Variants in NEXMIF observed in about 807,000 individuals in gnomAD.
The protein encoded by NEXMIF is neurite extension and migration factor, also known as XLMR protein related to neurite extension.
Under a neutral mutation model 62.1 loss-of-function variants are expected in NEXMIF, and 8 were observed. The observed-to-expected ratio is 0.13, with a 90% CI of 0.08 to 0.23. The LOEUF (loss-of-function observed/expected upper bound fraction) is 0.23. Among genes scored for constraint, NEXMIF ranks in the 10% least tolerant of loss-of-function variants. The probability of loss-of-function intolerance (pLI) is 1.00; values close to 1 mark genes in which losing one functional copy is unlikely to be tolerated. For synonymous variants in NEXMIF, 404 were observed against 416.6 expected, an observed-to-expected ratio of 0.97 and a Z score of 0.37; for missense variants, 976 against 1,113.3, an observed-to-expected ratio of 0.88 and a Z score of 1.75.
chrX:74,917,492 G>C (rs1236978931), intron 1 of NEXMIF, among the ~76,000 whole-genome samples: 1 of 112,194 alleles, frequency 8.9e-6, no homozygotes, highest in African/African-American at 3.2e-5. Flanking sequence ...CCAACTGCAA[G>C]GCGCAGATGT....
chrX:74,785,503 T>A (rs1434917489), intron 1 of NEXMIF, among the ~76,000 whole-genome samples: 1 of 111,760 alleles, frequency 8.9e-6, no homozygotes, highest in Non-Finnish European at 1.9e-5. Context: ...AAATTTTTTT[T>A]CAAGTTATCT....
At chrX:74,811,824 C>G in intron 1 of NEXMIF, among the ~76,000 whole-genome samples, 1 of 112,839 alleles carries the variant, frequency 8.9e-6, no homozygotes, top group Non-Finnish European at 1.9e-5. Flanking sequence ...TCCCTTGTTC[C>G]TCACAGTGTC....
chrX:74,893,329 C>T (rs2080723534), intron 1 of NEXMIF, among the ~76,000 whole-genome samples: 1 of 112,180 alleles, frequency 8.9e-6, no homozygotes, highest in Non-Finnish European at 1.9e-5. Context: ...TACTGTCTAT[C>T]TTTGCCACCT....
At chrX:74,879,590 G>A (rs181133340) in intron 1 of NEXMIF, among the ~76,000 whole-genome samples, 5 of 112,025 alleles carry the variant, frequency 4.5e-5, no homozygotes, top group African/African-American at 1.3e-4. Context: ...TTTCAGGAAA[G>A]GTGTACAAAG....
chrX:74,746,289 C>T (rs1057036434), intron 1 of NEXMIF, among the ~76,000 whole-genome samples: 1 of 111,941 alleles, frequency 8.9e-6, no homozygotes, highest in Non-Finnish European at 1.9e-5. Context: ...TGGACTTTGA[C>T]AAGTATTCCT....
At position 74,735,125 on chromosome X, in the gene NEXMIF, A is replaced by G. The variant is rs940868432; in HGVS notation, c.*4280T>C. On this transcript the variant is annotated 3_prime_UTR_variant, in exon 4 of 4. Transcript: ENST00000055682. The stretch of plus-strand genomic sequence containing the variant: ...CCTCACATTAGTTTTATTTTATAAA[A>G]AGAACATATTTCTGTAGTGATGGGC... 7 of 112,560 alleles carry G rather than the reference A, an allele frequency of 6.2e-5. No individual in the cohort carries two copies. The highest frequency in any genetic ancestry group is 1.1e-4 in the Non-Finnish European group (6 of 53,276). The allele number at this position is 112,560 out of a possible 1,213,427, so 9.3% of individuals were successfully genotyped here. A position where few individuals can be genotyped will look rare whatever the true frequency, so the allele number is the denominator to read the frequency against.
At chrX:74,870,667 C>G (rs190237459) in intron 1 of NEXMIF, among the ~76,000 whole-genome samples, 1 of 111,966 alleles carries the variant, frequency 8.9e-6, no homozygotes, top group Admixed American at 9.5e-5. Context: ...TAGATCTGAA[C>G]AGACATTTCT....
At chrX:74,843,540 G>A (rs2080481063) in intron 1 of NEXMIF, among the ~76,000 whole-genome samples, 2 of 109,280 alleles carry the variant, frequency 1.8e-5, no homozygotes, top group Non-Finnish European at 3.8e-5. Flanking sequence ...TCAGCCTCCC[G>A]AGTAGCTGGG....
intron 1 of NEXMIF, among the ~76,000 whole-genome samples, chrX:74,811,626 C>T (rs904530993): frequency 1.8e-5 from 2 of 112,714 alleles, no homozygotes; most frequent in African/African-American, 6.4e-5. Flanking sequence ...AGGAACGAGA[C>T]TGAGTTTACC....
rs113561432 is a variant in NEXMIF at position 74,826,050 on chromosome X, G to T, written c.-47-80353C>A. Among the ~76,000 whole-genome samples, 596 of 112,515 alleles carry T rather than the reference G, an allele frequency of 5.3e-3. 3 individuals are homozygous for T. The highest frequency in any genetic ancestry group is 0.019 in the African/African-American group (576 of 31,010). On this transcript the variant is annotated intron_variant, in intron 1 of 3. Transcript: ENST00000055682. ...CATATACCCAGTAATGGGATTGCTG[G>T]CTGGAATGGTAGTTCTGTTTTTAGC... is the stretch of plus-strand genomic sequence containing the variant.
intron 1 of NEXMIF, among the ~76,000 whole-genome samples, chrX:74,748,369 T>C (rs2080132195): frequency 8.9e-6 from 1 of 111,885 alleles, no homozygotes; most frequent in Non-Finnish European, 1.9e-5. Context: ...CAACTAAAGG[T>C]ATATATTTTT....
chrX:74,872,169 G>A (rs966245723), intron 1 of NEXMIF, among the ~76,000 whole-genome samples: 7 of 110,865 alleles, frequency 6.3e-5, no homozygotes, highest in Admixed American at 1.9e-4. Context: ...AGCTTCAGCC[G>A]GTCCCCCCGT....
At chrX:74,844,209 C>A (rs1205984906) in intron 1 of NEXMIF, among the ~76,000 whole-genome samples, 1 of 111,288 alleles carries the variant, frequency 9.0e-6, no homozygotes, top group Non-Finnish European at 1.9e-5. Context: ...CTGCCTTTAA[C>A]ATTCTTTCTT....
chrX:74,808,070 T>C (rs959030558), intron 1 of NEXMIF, among the ~76,000 whole-genome samples: 2 of 111,777 alleles, frequency 1.8e-5, no homozygotes, highest in African/African-American at 6.5e-5. Flanking sequence ...TTACATTAAT[T>C]GTATTTCAAA....
At chrX:74,799,655 G>T (rs1006634251) in intron 1 of NEXMIF, among the ~76,000 whole-genome samples, 3 of 110,950 alleles carry the variant, frequency 2.7e-5, no homozygotes, top group Non-Finnish European at 5.7e-5. Context: ...TTTGGAGACA[G>T]GGTCTTGCTC....
chrX:74,786,843 G>A (rs184169357), intron 1 of NEXMIF, among the ~76,000 whole-genome samples: 1 of 110,631 alleles, frequency 9.0e-6, no homozygotes, highest in Non-Finnish European at 1.9e-5. Flanking sequence ...ACACACGTGA[G>A]CACATGTGCA....
intron 1 of NEXMIF, among the ~76,000 whole-genome samples, chrX:74,802,500 T>C (rs751183561): frequency 3.6e-5 from 4 of 111,159 alleles, no homozygotes; most frequent in Non-Finnish European, 7.5e-5. Context: ...GCCGCAGAAT[T>C]ATTGGGCTTG....
intron 1 of NEXMIF, among the ~76,000 whole-genome samples, chrX:74,867,562 T>C (rs766964853): frequency 9.8e-5 from 11 of 112,347 alleles, no homozygotes; most frequent in Non-Finnish European, 1.9e-4. Flanking sequence ...TAAATGGTGC[T>C]GAGATAACTG....
chrX:74,734,673 A>G lies in NEXMIF; in HGVS notation c.*4732T>C, dbSNP rs2080080722. 1 of 111,983 alleles carries G rather than the reference A, an allele frequency of 8.9e-6. No individual in the cohort carries two copies. The highest frequency in any genetic ancestry group is 1.9e-5 in the Non-Finnish European group (1 of 53,140). The allele number at this position is 111,983 out of a possible 1,213,427, so 9.2% of individuals were successfully genotyped here. ...TACTGATTTTGAAAGCCTCATTCAC[A>G]CCATAAACTTTGTTCTAAACCTCTG... On this transcript the variant is annotated 3_prime_UTR_variant, in exon 4 of 4. Coordinates refer to ENST00000055682, the MANE Select transcript of NEXMIF (RefSeq NM_001008537.3).
Sources: allele counts gnomAD v4.1 joint callset (sites outside exome capture counted in the v4.1 genomes callset), GRCh38; gene constraint gnomAD v4.1.1; transcripts MANE v1.5; gene names NCBI Gene and HGNC (gene_info 2026-07-23, HGNC 2026-07-21).